DCC: variants seen among roughly 807,000 people sequenced by gnomAD.
The protein encoded by DCC is DCC netrin 1 receptor.
A neutral mutation model predicts 172.5 loss-of-function variants in DCC; 58 were observed. The ratio of observed to expected loss-of-function variants is 0.34; its 90% CI spans 0.27 to 0.42. DCC has a LOEUF of 0.42. DCC is among the 10% of genes least tolerant of loss of function. DCC has a pLI of 1.00. For missense variants in DCC, 1,740 were observed against 1,791.0 expected (o/e 0.97, Z 0.51); for synonymous variants, 709 against 644.5 (o/e 1.10, Z -1.52).
chr18:53,426,291 TA>T (rs1910937198), intron 21 of DCC, among the ~76,000 whole-genome samples: 2 of 121,110 alleles, frequency 1.7e-5, no homozygotes, highest in South Asian at 2.4e-4. Flanking sequence ...TACATATTTA[TA>T]ATATATATTT....
chr18:52,977,400 A>C (rs145417252), intron 5 of DCC, among the ~76,000 whole-genome samples: 2,109 of 152,302 alleles, frequency 0.014, 54 homozygotes, highest in African/African-American at 0.049. Flanking sequence ...AAAAGATCCC[A>C]GGGTGATGCC....
chr18:53,101,134 A>T (rs570625155), intron 7 of DCC, among the ~76,000 whole-genome samples: 1 of 152,252 alleles, frequency 6.6e-6, no homozygotes, highest in East Asian at 1.9e-4. Context: ...GGAAATAATT[A>T]TAATCATGAA....
At chr18:53,276,920 T>G (rs2056812893) in intron 12 of DCC, among the ~76,000 whole-genome samples, 1 of 152,072 alleles carries the variant, frequency 6.6e-6, no homozygotes, top group South Asian at 2.1e-4. Context: ...ATGGTGGTAC[T>G]TGAAGCCATG....
At chr18:52,585,244 T>C (rs2033644039) in intron 1 of DCC, among the ~76,000 whole-genome samples, 1 of 152,166 alleles carries the variant, frequency 6.6e-6, no homozygotes, top group Non-Finnish European at 1.5e-5. Flanking sequence ...GAGTCAAAAC[T>C]GTGGATGTGT....
rs893668496 is a variant in DCC, at chr18:52,346,180, T to G, written c.91+5302T>G. On this transcript the variant is annotated intron_variant, in intron 1 of 28. Coordinates refer to ENST00000442544, the MANE Select transcript of DCC (RefSeq NM_005215.4). ...GATGAACAATCCAGATTATTTTCCC[T>G]GCAGGCCAATAAAAAATGTGCAAGA... 2.6e-5 allele frequency among the ~76,000 whole-genome samples: 4 copies of G among 152,194 alleles called. No homozygotes were observed. The South Asian group carries it at 8.3e-4, about 31-fold the overall frequency.
intron 1 of DCC, among the ~76,000 whole-genome samples, chr18:52,376,551 T>C (rs969136821): frequency 9.9e-5 from 15 of 152,094 alleles, no homozygotes; most frequent in African/African-American, 3.6e-4. Context: ...ACTTGCAACC[T>C]TCTTGCAATA....
At chr18:52,748,184 C>T (rs528084390) in intron 1 of DCC, among the ~76,000 whole-genome samples, 113 of 152,282 alleles carry the variant, frequency 7.4e-4, no homozygotes, top group African/African-American at 2.6e-3. Flanking sequence ...CTTTAGGTGC[C>T]GGCACAGGCG....
Position 53,445,062 on chromosome 18 carries a change from A to C in DCC, c.3230-5438A>C, listed in dbSNP as rs535714964. 2.0e-5 allele frequency among the ~76,000 whole-genome samples: 3 copies of C among 152,310 alleles called. No homozygotes were observed. The South Asian group carries it at 6.2e-4, about 32-fold the overall frequency. ...TATTAAAAATCCAAATTTTTTTAAAATAAATATGTTCTGAAACTTAGTTGT... is the reference window on the plus strand; with the variant it reads ...TATTAAAAATCCAAATTTTTTTAAACTAAATATGTTCTGAAACTTAGTTGT... On this transcript the variant is annotated intron_variant, in intron 22 of 28. Coordinates refer to ENST00000442544, the MANE Select transcript of DCC (RefSeq NM_005215.4).
chr18:52,639,663 A>C (rs1008772882), intron 1 of DCC, among the ~76,000 whole-genome samples: 5 of 152,112 alleles, frequency 3.3e-5, no homozygotes, highest in Non-Finnish European at 5.9e-5. Flanking sequence ...TGAACAGACC[A>C]ATAACAACAG....
At chr18:53,164,867 T>C (rs1337403286) in intron 8 of DCC, among the ~76,000 whole-genome samples, 1 of 152,212 alleles carries the variant, frequency 6.6e-6, no homozygotes, top group Non-Finnish European at 1.5e-5. Context: ...GTATTTATGA[T>C]GATCTCCATT....
intron 1 of DCC, among the ~76,000 whole-genome samples, chr18:52,356,659 T>G (rs1984376978): frequency 6.6e-6 from 1 of 152,212 alleles, no homozygotes; most frequent in Non-Finnish European, 1.5e-5. Flanking sequence ...CATCTCTCAA[T>G]ACCTCTATCA....
chr18:52,841,304 C>T (rs767558135), intron 2 of DCC, among the ~76,000 whole-genome samples: 1 of 132,822 alleles, frequency 7.5e-6, no homozygotes, highest in South Asian at 2.6e-4. Context: ...AAACAACACT[C>T]TGACTAATGC....
At chr18:53,106,255 A>G (rs2043246185) in intron 7 of DCC, among the ~76,000 whole-genome samples, 1 of 151,908 alleles carries the variant, frequency 6.6e-6, no homozygotes. Context: ...CTAGCTTCTT[A>G]GCACATTTTG....
At position 53,475,079 on chromosome 18, in the gene DCC, C is replaced by T. The variant is rs145439783; in HGVS notation, c.3736+7069C>T. On this transcript the variant is annotated intron_variant, in intron 25 of 28. Transcript: ENST00000442544. ...TGCCCTAGAGATTTGTGGAACTGAA[C>T]TTGAGAGAGATGATTTAGAGTATCT... 5.5e-4 allele frequency among the ~76,000 whole-genome samples: 83 copies of T among 152,224 alleles called. No homozygotes were observed. The East Asian group carries it at 0.014, about 26-fold the overall frequency.
intron 2 of DCC, among the ~76,000 whole-genome samples, chr18:52,829,773 AACAG>A (rs1403290324): frequency 9.9e-5 from 15 of 152,184 alleles, no homozygotes; most frequent in African/African-American, 3.1e-4. Flanking sequence ...TAGAGAACAC[AACAG>A]ACAAAGACTC....
intron 1 of DCC, among the ~76,000 whole-genome samples, chr18:52,508,991 T>C (rs759809860): frequency 6.6e-6 from 1 of 152,262 alleles, no homozygotes; most frequent in Admixed American, 6.5e-5. Flanking sequence ...TCTTCAATTT[T>C]ATTTCACTTT....
At chr18:52,610,753 CA>C (rs2034262476) in intron 1 of DCC, among the ~76,000 whole-genome samples, 1 of 152,066 alleles carries the variant, frequency 6.6e-6, no homozygotes, top group Non-Finnish European at 1.5e-5. Context: ...GGCTATGTTT[CA>C]ATAAAATCTT....
intron 1 of DCC, among the ~76,000 whole-genome samples, chr18:52,691,132 A>G (rs138540720): frequency 0.013 from 1,977 of 152,250 alleles, 27 homozygotes; most frequent in Middle Eastern, 0.037. Context: ...GGGAAGCTCT[A>G]TTGTAGTGAA....
chr18:52,765,140 TCTC>T (rs1272607329), intron 2 of DCC, among the ~76,000 whole-genome samples: 1 of 151,480 alleles, frequency 6.6e-6, no homozygotes, highest in Non-Finnish European at 1.5e-5. Context: ...GCCAAGTAAT[TCTC>T]CTGCCTCAGC....
Sources: allele counts gnomAD v4.1 joint callset (sites outside exome capture counted in the v4.1 genomes callset), GRCh38; gene constraint gnomAD v4.1.1; transcripts MANE v1.5; gene names NCBI Gene and HGNC (gene_info 2026-07-23, HGNC 2026-07-21).